MAST4: variants seen among roughly 807,000 people sequenced by gnomAD.
MAST4 encodes the protein microtubule associated serine/threonine kinase family member 4.
In MAST4, 89 loss-of-function variants were observed where a neutral mutation model predicts 162.7. The observed-to-expected ratio is 0.55, with a 90% CI of 0.46 to 0.65. The LOEUF (loss-of-function observed/expected upper bound fraction) is 0.65. Ranked by LOEUF, MAST4 falls within the 30% of genes least tolerant of loss-of-function variation. MAST4 has a pLI of 0.00. For missense variants in MAST4, 3,153 were observed against 3,374.0 expected (o/e 0.93, Z 1.62); for synonymous variants, 1,479 against 1,361.1 (o/e 1.09, Z -1.91).
rs1210236899 is a variant in MAST4, at chr5:67,142,253, GACATAAAAC to G, written c.2617+18_2617+26del. On this transcript the variant is annotated intron_variant, in intron 20 of 28. Coordinates refer to ENST00000403625, the MANE Select transcript of MAST4 (RefSeq NM_001164664.2). ...TATTTTGATAGTATGTGCTTTATCT[GACATAAAAC>G]ATTGTTTGGCCTTTACTCGATAAAT... 6.2e-7 allele frequency: 1 copy of G among 1,611,652 alleles called. No individual in the cohort carries two copies. Among genetic ancestry groups the G allele is most frequent in the Non-Finnish European group, 8.5e-7 (1 of 1,178,604 alleles).
chr5:66,702,229 TC>T (rs1353420247), intron 1 of MAST4, among the ~76,000 whole-genome samples: 1 of 152,186 alleles, frequency 6.6e-6, no homozygotes, highest in Non-Finnish European at 1.5e-5. Context: ...AGGATCCTCA[TC>T]CCAGTGGTCC....
At chr5:67,018,474 C>G (rs561406196) in intron 4 of MAST4, among the ~76,000 whole-genome samples, 232 of 152,198 alleles carry the variant, frequency 1.5e-3, no homozygotes, top group Non-Finnish European at 2.2e-3. Flanking sequence ...ATGGTCGTCC[C>G]ACTGTACTTC....
At chr5:66,915,795 G>A (rs1304019222) in intron 4 of MAST4, among the ~76,000 whole-genome samples, 1 of 152,198 alleles carries the variant, frequency 6.6e-6, no homozygotes. Flanking sequence ...TCCTGCACTG[G>A]CTGCAGGCTT....
intron 2 of MAST4, among the ~76,000 whole-genome samples, chr5:66,785,146 G>A (rs1278049844): frequency 6.6e-6 from 1 of 152,076 alleles, no homozygotes; most frequent in African/African-American, 2.4e-5. Context: ...CAGGAGAATC[G>A]CTTGAACCTG....
intron 5 of MAST4, among the ~76,000 whole-genome samples, chr5:67,087,264 A>C (rs1235957314): frequency 6.6e-6 from 1 of 152,122 alleles, no homozygotes; most frequent in Non-Finnish European, 1.5e-5. Context: ...ACTCGTTTCT[A>C]ATCTGCTAAC....
intron 1 of MAST4, among the ~76,000 whole-genome samples, chr5:66,667,558 A>G (rs753310413): frequency 6.6e-6 from 1 of 152,186 alleles, no homozygotes; most frequent in Non-Finnish European, 1.5e-5. Context: ...GAGTGCAGTG[A>G]TATCCACTTA....
At chr5:66,610,674 G>A (rs926053214) in intron 1 of MAST4, among the ~76,000 whole-genome samples, 2 of 152,254 alleles carry the variant, frequency 1.3e-5, no homozygotes, top group Admixed American at 1.3e-4. Context: ...CTTCTGAGGT[G>A]GATGACTATG....
At chr5:66,895,467 C>T (rs1160358873) in intron 3 of MAST4, among the ~76,000 whole-genome samples, 2 of 152,058 alleles carry the variant, frequency 1.3e-5, no homozygotes, top group Admixed American at 6.6e-5. Flanking sequence ...TTGGAATCTT[C>T]TACTTGGAAT....
chr5:66,926,059 G>A (rs906982245), intron 4 of MAST4, among the ~76,000 whole-genome samples: 1 of 151,726 alleles, frequency 6.6e-6, no homozygotes, highest in African/African-American at 2.4e-5. Context: ...TCATCCATTT[G>A]GGCTTTTTGT....
chr5:66,843,424 C>A (rs139197103), intron 3 of MAST4, among the ~76,000 whole-genome samples: 12 of 152,210 alleles, frequency 7.9e-5, no homozygotes, highest in African/African-American at 2.4e-4. Flanking sequence ...CTTCAGAATC[C>A]TTTTTTTCTC....
chr5:66,813,932 A>T (rs538203305), intron 3 of MAST4, among the ~76,000 whole-genome samples: 17 of 152,332 alleles, frequency 1.1e-4, no homozygotes, highest in Admixed American at 9.8e-4. Context: ...GTTACTGGGA[A>T]CATGAGATAG....
At chr5:66,751,685 G>C (rs1384293650) in intron 1 of MAST4, among the ~76,000 whole-genome samples, 4 of 150,578 alleles carry the variant, frequency 2.7e-5, no homozygotes, top group Non-Finnish European at 5.9e-5. Flanking sequence ...ACCTGAAAGT[G>C]ATGCGGAGAA....
chr5:66,983,585 T>G (rs753641038), intron 4 of MAST4, among the ~76,000 whole-genome samples: 27 of 152,288 alleles, frequency 1.8e-4, no homozygotes, highest in Middle Eastern at 6.8e-3. Flanking sequence ...ACATTAATCT[T>G]TCCATGTTTG....
At chr5:66,607,773 T>C (rs16895292) in intron 1 of MAST4, among the ~76,000 whole-genome samples, 22,086 of 152,208 alleles carry the variant, frequency 0.15, 1,920 homozygotes, top group East Asian at 0.27. Context: ...ACAGTTTTTT[T>C]ATTTGCCTCT....
chr5:67,073,022 T>G (rs1761163243), intron 5 of MAST4, among the ~76,000 whole-genome samples: 1 of 152,262 alleles, frequency 6.6e-6, no homozygotes, highest in Non-Finnish European at 1.5e-5. Context: ...AGTATGTATA[T>G]GTGTGTTTAA....
At chr5:67,090,045 T>G in intron 5 of MAST4, 117 bp from the exon 6 acceptor site, 1 of 772,254 alleles carries the variant, frequency 1.3e-6, no homozygotes, top group Admixed American at 2.2e-5. Context: ...AAAGCATTAT[T>G]GGAGGAAAGG....
intron 1 of MAST4, among the ~76,000 whole-genome samples, chr5:66,669,993 G>T (rs953894236): frequency 1.3e-5 from 2 of 152,224 alleles, no homozygotes; most frequent in Non-Finnish European, 2.9e-5. Flanking sequence ...GACAAGAGGT[G>T]AGCCTGGGAA....
chr5:66,867,213 G>C (rs543120995), intron 3 of MAST4, among the ~76,000 whole-genome samples: 25 of 152,186 alleles, frequency 1.6e-4, no homozygotes, highest in African/African-American at 5.5e-4. Context: ...GATATACTTA[G>C]TTTTAAATTT....
chr5:66,993,425 C>T (rs768769374), intron 4 of MAST4, among the ~76,000 whole-genome samples: 146 of 152,148 alleles, frequency 9.6e-4, no homozygotes, highest in Non-Finnish European at 9.4e-4. Context: ...CATAGTAGGG[C>T]ATTAGACCTG....
Sources: allele counts gnomAD v4.1 joint callset (sites outside exome capture counted in the v4.1 genomes callset), GRCh38; gene constraint gnomAD v4.1.1; transcripts MANE v1.5; gene names NCBI Gene and HGNC (gene_info 2026-07-23, HGNC 2026-07-21).